Variants in ALDH1L1 observed in about 807,000 individuals in gnomAD.
The protein encoded by ALDH1L1 is aldehyde dehydrogenase 1 family member L1.
Under a neutral mutation model 101.1 loss-of-function variants are expected in ALDH1L1, and 68 were observed. The ratio of observed to expected loss-of-function variants is 0.67; its 90% CI spans 0.55 to 0.82. ALDH1L1 has a LOEUF of 0.82. ALDH1L1 is among the 40% of genes least tolerant of loss of function. The pLI is 0.00. For synonymous variants in ALDH1L1, 486 were observed against 470.8 expected (o/e 1.03, Z -0.42); for missense variants, 1,087 against 1,172.7 (o/e 0.93, Z 1.07).
chr3:126,132,525 C>T (rs12630420), intron 12 of ALDH1L1, among the ~76,000 whole-genome samples: 96,562 of 152,014 alleles, frequency 0.64, 30,776 homozygotes, highest in Middle Eastern at 0.7. Context: ...TCACATCGGC[C>T]TCTTCCAGGT....
At chr3:126,105,972 G>A (rs771908952) in intron 21 of ALDH1L1, 47 bp from the exon 22 acceptor site, 3 of 1,585,454 alleles carry the variant, frequency 1.9e-6, no homozygotes, top group Non-Finnish European at 2.6e-6. Flanking sequence ...GTGCAGAGGA[G>A]AGCCTGGCCC....
At position 126,105,942 on chromosome 3, in the gene ALDH1L1, G is replaced by A. The variant is rs370612209; in HGVS notation, c.2454-17C>T. 3 of 1,609,782 alleles carry A rather than the reference G, an allele frequency of 1.9e-6. No homozygotes were observed. The African/African-American group carries it at 4.0e-5, about 22-fold the overall frequency. ...TCCAAGTCCCTGGAGAGAAAGTCCA[G>A]GAAGAACTCCCTGAGGGAGGTGCAG... On this transcript the variant is annotated splice_polypyrimidine_tract_variant and intron_variant, in intron 21 of 22. Transcript: ENST00000393434.
At chr3:126,148,705 C>T (rs1291371828) in intron 8 of ALDH1L1, among the ~76,000 whole-genome samples, 5 of 150,618 alleles carry the variant, frequency 3.3e-5, no homozygotes, top group Non-Finnish European at 7.4e-5. Flanking sequence ...AGGGCACCTA[C>T]TGCATAGAGT....
chr3:126,116,038 ATTT>A lies in ALDH1L1; in HGVS notation c.1983-1385_1983-1383del, dbSNP rs35701473. Among the ~76,000 whole-genome samples, 65 of 137,102 alleles carry A rather than the reference ATTT, an allele frequency of 4.7e-4. No individual in the cohort carries two copies. The South Asian group carries it at 6.9e-3, about 15-fold the overall frequency. 89.9% of individuals were successfully genotyped at this position (137,102 alleles called of 152,430 possible). A position where few individuals can be genotyped will look rare whatever the true frequency, so the allele number is the denominator to read the frequency against. On this transcript the variant is annotated intron_variant, in intron 17 of 22. Transcript: ENST00000393434. ...TAGGCATATACCACCACACCTGGCT[ATTT>A]TTTTTTTTTTTTGTATTTTTTGTAG...
In ALDH1L1 at chr3:126,110,513, G is replaced by T. The variant is rs1946044963; in HGVS notation, c.2182-404C>A. On this transcript the variant is annotated intron_variant, in intron 19 of 22. Coordinates refer to ENST00000393434, the MANE Select transcript of ALDH1L1 (RefSeq NM_012190.4). ...CGGGGGACTCCAGGATGTGCGGTAG[G>T]TGGGATACACCAGCCCTGCTGCAAT... 2.0e-5 allele frequency among the ~76,000 whole-genome samples: 3 copies of T among 152,170 alleles called. No homozygotes were observed. In the South Asian group the frequency reaches 6.2e-4, roughly 32 times the overall value.
At chr3:126,157,092 C>T (rs2080925398) in intron 4 of ALDH1L1, among the ~76,000 whole-genome samples, 1 of 152,162 alleles carries the variant, frequency 6.6e-6, no homozygotes, top group Non-Finnish European at 1.5e-5. Flanking sequence ...TGAACGGGCC[C>T]CAAAATGTCC....
intron 8 of ALDH1L1, among the ~76,000 whole-genome samples, chr3:126,149,089 A>C (rs1291192715): frequency 1.3e-5 from 2 of 152,194 alleles, no homozygotes; most frequent in Non-Finnish European, 2.9e-5. Flanking sequence ...TTCCTGTTAC[A>C]CCAGAAGCTG....
intron 16 of ALDH1L1, among the ~76,000 whole-genome samples, chr3:126,120,586 C>G (rs1481356975): frequency 6.6e-6 from 1 of 152,152 alleles, no homozygotes; most frequent in Non-Finnish European, 1.5e-5. Flanking sequence ...AGAGTGACCC[C>G]TAAACTACGG....
At chr3:126,158,824 G>T (rs1458467349) in intron 2 of ALDH1L1, among the ~76,000 whole-genome samples, 185 bp from the exon 3 acceptor site, 1 of 152,168 alleles carries the variant, frequency 6.6e-6, no homozygotes, top group African/African-American at 2.4e-5. Flanking sequence ...TCTGGGGACT[G>T]CCCTGCCTGC....
intron 9 of ALDH1L1, among the ~76,000 whole-genome samples, chr3:126,143,721 T>A (rs368130250): frequency 6.6e-6 from 1 of 152,168 alleles, no homozygotes; most frequent in East Asian, 1.9e-4. Context: ...TGTGGGAGGA[T>A]CACTTGAGCC....
At position 126,137,834 on chromosome 3, in the gene ALDH1L1, C is replaced by A. The variant is rs201488087; in HGVS notation, c.1203G>T (p.Glu401Asp). The change falls in exon 10 of 23, where the codon GAG (glutamate) becomes GAT (aspartate). Residue 401 changes from glutamate (E) to aspartate (D), a missense_variant. Physicochemically the swap from Glu to Asp is conservative, Grantham distance 45. Around this residue, in one of 2 missense-constraint regions of ALDH1L1, gnomAD observed 645 missense variants for 637.0 expected, o/e 1.01. Transcript: ENST00000393434. ...LVRKLRGDDE[E>D]GECSIDYVEM... ...TCACGTAGTCAATGCTGCACTCGCC[C>A]TCCTCATCGTCCCCTCGCAGCTTCC... 38 of 1,614,146 alleles carry A rather than the reference C, an allele frequency of 2.4e-5. No individual in the cohort carries two copies. The Admixed American group carries it at 5.2e-4, about 22-fold the overall frequency.
At chr3:126,130,688 G>A (rs910091796) in intron 13 of ALDH1L1, among the ~76,000 whole-genome samples, 6 of 152,322 alleles carry the variant, frequency 3.9e-5, no homozygotes, top group South Asian at 2.1e-4. Context: ...CGGGCACCAG[G>A]CAGCCCACCT....
At chr3:126,183,583 G>A (rs2081493582), upstream of ALDH1L1, among the ~76,000 whole-genome samples, 1 of 152,270 alleles carries the variant, frequency 6.6e-6, no homozygotes, top group Non-Finnish European at 1.5e-5. Flanking sequence ...AGACTTTCAG[G>A]ACCCGCCCAG....
intron 9 of ALDH1L1, among the ~76,000 whole-genome samples, chr3:126,145,335 T>C (rs1230624119): frequency 6.6e-6 from 1 of 152,242 alleles, no homozygotes; most frequent in East Asian, 1.9e-4. Flanking sequence ...AACTATCATA[T>C]GACCCAGTAA....
At chr3:126,148,524 C>T (rs184260113) in intron 8 of ALDH1L1, among the ~76,000 whole-genome samples, 209 of 152,302 alleles carry the variant, frequency 1.4e-3, no homozygotes, top group African/African-American at 4.9e-3. Context: ...CCAGACCATA[C>T]ATCCTGGAGG....
At chr3:126,135,223 C>T in intron 12 of ALDH1L1, 1 of 267,664 alleles carries the variant, frequency 3.7e-6, no homozygotes, top group Non-Finnish European at 7.1e-6. Context: ...GCTTTGTCTG[C>T]CTGGGAGGCC....
Position 126,155,498 on chromosome 3 carries a change from C to T in ALDH1L1, c.534G>A (p.Gln178=), listed in dbSNP as rs571655433. 8.1e-6 allele frequency: 13 copies of T among 1,611,138 alleles called. No homozygotes were observed. Among genetic ancestry groups the T allele is most frequent in the African/African-American group, 4.0e-5 (3 of 75,006 alleles). The stretch of plus-strand genomic sequence containing the variant: ...TGCCCTCAGCGATCAGCCTCACGGC[C>T]TGCACCTGGGGAGATCCAGTGGGTT... The part of the protein sequence containing the change: ...LFPEGIKGMV[Q]AVRLIAEGKA... The change falls in exon 5 of 23, where the codon CAG becomes CAA. Residue 178 remains glutamine (Q), a synonymous_variant. Coordinates refer to ENST00000393434, the MANE Select transcript of ALDH1L1 (RefSeq NM_012190.4).
At chr3:126,132,246 C>T (rs1035885602) in intron 12 of ALDH1L1, among the ~76,000 whole-genome samples, 2 of 152,208 alleles carry the variant, frequency 1.3e-5, no homozygotes, top group Non-Finnish European at 2.9e-5. Flanking sequence ...GCCTTGGAGA[C>T]AGGGCAGCTC....
intron 1 of ALDH1L1, among the ~76,000 whole-genome samples, chr3:126,191,145 G>A (rs2081551022): frequency 2.0e-5 from 3 of 152,220 alleles, no homozygotes; most frequent in Admixed American, 6.5e-5. Flanking sequence ...TCAGCCAGAG[G>A]TAGCAGAGTG....
Sources: allele counts gnomAD v4.1 joint callset (sites outside exome capture counted in the v4.1 genomes callset), GRCh38; gene constraint gnomAD v4.1.1; regional missense constraint gnomAD v4.1.1; transcripts MANE v1.5; gene names NCBI Gene and HGNC (gene_info 2026-07-23, HGNC 2026-07-21).